Variants in ASNS observed in about 807,000 individuals in gnomAD.
ASNS encodes the protein asparagine synthetase (glutamine-hydrolyzing).
In ASNS, 37 loss-of-function variants were observed where a neutral mutation model predicts 62.6. The observed-to-expected ratio is 0.59, with a 90% CI of 0.45 to 0.78. The LOEUF (loss-of-function observed/expected upper bound fraction) is 0.78. ASNS is among the 30% of genes least tolerant of loss of function. ASNS has a pLI of 0.00. For missense variants in ASNS, 520 were observed against 682.4 expected, an observed-to-expected ratio of 0.76 and a Z score of 2.65; for synonymous variants, 207 against 237.9, an observed-to-expected ratio of 0.87 and a Z score of 1.19.
chr7:97,900,805 G>T, the ASNS span, among the ~76,000 whole-genome samples: 1 of 152,048 alleles, frequency 6.6e-6, no homozygotes, highest in Non-Finnish European at 1.5e-5. Context: ...CTTTATGAAT[G>T]ATGAGGGGAT....
chr7:97,871,514 A>T (rs1248356497), intron 1 of ASNS, among the ~76,000 whole-genome samples: 1 of 151,386 alleles, frequency 6.6e-6, no homozygotes, highest in Non-Finnish European at 1.5e-5. Flanking sequence ...AAAAAAAAAA[A>T]CTGCTGTTAA....
chr7:97,862,513 CT>C (rs1791768628), intron 4 of ASNS, among the ~76,000 whole-genome samples: 2 of 152,110 alleles, frequency 1.3e-5, no homozygotes, highest in African/African-American at 4.8e-5. Context: ...GGCAATGAAA[CT>C]GTTCTACATA....
At chr7:97,910,707 T>G in the ASNS span, among the ~76,000 whole-genome samples, 1 of 152,042 alleles carries the variant, frequency 6.6e-6, no homozygotes, top group African/African-American at 2.4e-5. Flanking sequence ...GTTCAAGTGA[T>G]TCTCCTGCCT....
At chr7:97,880,613 T>TG in the ASNS span, among the ~76,000 whole-genome samples, 1 of 152,088 alleles carries the variant, frequency 6.6e-6, no homozygotes, top group Admixed American at 6.5e-5. Context: ...AGGTCAGAAT[T>TG]GGAGATGGGG....
At chr7:97,895,665 C>T in the ASNS span, among the ~76,000 whole-genome samples, 3 of 152,124 alleles carry the variant, frequency 2.0e-5, no homozygotes, top group Non-Finnish European at 4.4e-5. Flanking sequence ...GTGGTAGGTG[C>T]CTGTAATCCC....
intron 1 of ASNS, among the ~76,000 whole-genome samples, chr7:97,870,516 G>A (rs1792203410): frequency 6.6e-6 from 1 of 152,062 alleles, no homozygotes; most frequent in African/African-American, 2.4e-5. Context: ...CGGAAAACCA[G>A]AACCAAATAA....
chr7:97,865,917 T>C (rs1305772703), intron 3 of ASNS, among the ~76,000 whole-genome samples: 1 of 152,170 alleles, frequency 6.6e-6, no homozygotes. Context: ...GAGGGTCTTT[T>C]TTCCCTAGGG....
chr7:97,899,307 C>T, the ASNS span, among the ~76,000 whole-genome samples: 4 of 151,924 alleles, frequency 2.6e-5, no homozygotes, highest in East Asian at 5.8e-4. Context: ...TTTTTTTGTA[C>T]ACACAGGGTC....
chr7:97,923,081 C>T, the ASNS span, among the ~76,000 whole-genome samples: 5 of 152,152 alleles, frequency 3.3e-5, no homozygotes, highest in East Asian at 1.9e-4. Flanking sequence ...TGAGCCACTG[C>T]GCCTGGACAG....
chr7:97,873,934 T>C (rs1218349229), upstream of ASNS, among the ~76,000 whole-genome samples: 1 of 152,138 alleles, frequency 6.6e-6, no homozygotes, highest in Non-Finnish European at 1.5e-5. Context: ...AAGGTGAAAT[T>C]AAAATTGCTA....
intron 9 of ASNS, 173 bp downstream of exon 9, chr7:97,855,180 T>C (rs1791375037): frequency 1.8e-6 from 1 of 545,200 alleles, no homozygotes; most frequent in East Asian, 2.9e-5. Context: ...TCTGACACAT[T>C]AAAATTTCTT....
At position 97,859,415 on chromosome 7, in the gene ASNS, A is replaced by ATTCAAAATAGGT. The variant is rs1791611803; in HGVS notation, c.488-18_488-17insACCTATTTTGAA. The ATTCAAAATAGGT allele has an allele frequency of 1.9e-6, 3 of 1,585,770 alleles. No homozygotes were observed. In the East Asian group the frequency reaches 6.7e-5, roughly 36 times the overall value. ...TAACAAGACCTAGAAATTCACAATG[A>ATTCAAAATAGGT]TACCTTTATTCAAATTAGGTAACCC... On this transcript the variant is annotated splice_polypyrimidine_tract_variant and intron_variant, in intron 4 of 12. Coordinates refer to ENST00000394308, the MANE Select transcript of ASNS (RefSeq NM_001673.5).
chr7:97,925,608 G>C, the ASNS span, among the ~76,000 whole-genome samples: 1 of 152,270 alleles, frequency 6.6e-6, no homozygotes, highest in Non-Finnish European at 1.5e-5. Flanking sequence ...GAGAAACCCA[G>C]GTTTCTCCTC....
chr7:97,860,379 A>G (rs1791656817), intron 4 of ASNS, among the ~76,000 whole-genome samples: 2 of 152,242 alleles, frequency 1.3e-5, no homozygotes, highest in South Asian at 4.1e-4. Context: ...TTCAGAGGGT[A>G]AGTTCCATAT....
At chr7:97,896,576 G>A in the ASNS span, among the ~76,000 whole-genome samples, 1,199 of 117,350 alleles carry the variant, frequency 0.01, 46 homozygotes, top group East Asian at 0.11. Context: ...CAGCCTCGGC[G>A]ACAGAGCAAG....
rs192515483 is a variant in ASNS, at chr7:97,853,429, T to C, written c.1239-43A>G. ...GAAAATCTAAATTAAAATGGGTATT[T>C]AGTGCCTGCCAGGTTAGGTTCTGAT... On this transcript the variant is annotated intron_variant, in intron 10 of 12. Transcript: ENST00000394308. 3,042 of 1,519,712 alleles carry C rather than the reference T, an allele frequency of 2.0e-3. 11 individuals carry two copies. The highest frequency in any genetic ancestry group is 4.0e-3 in the Middle Eastern group (17 of 4,234). The allele number at this position is 1,519,712 out of a possible 1,614,324, so 94.1% of individuals were successfully genotyped here.
At chr7:97,923,142 C>G in the ASNS span, among the ~76,000 whole-genome samples, 1 of 151,988 alleles carries the variant, frequency 6.6e-6, no homozygotes, top group Non-Finnish European at 1.5e-5. Flanking sequence ...TAGATTATTT[C>G]TATAAGTGGT....
the ASNS span, among the ~76,000 whole-genome samples, chr7:97,884,813 A>G: frequency 2.6e-5 from 4 of 152,308 alleles, no homozygotes; most frequent in East Asian, 5.8e-4. Context: ...GGCAACCACC[A>G]TCATGATCAA....
At chr7:97,866,288 T>C (rs1000415774) in intron 3 of ASNS, among the ~76,000 whole-genome samples, 3 of 152,172 alleles carry the variant, frequency 2.0e-5, no homozygotes, top group East Asian at 1.9e-4. Context: ...AACAGATACA[T>C]GATCCAAAAC....
Sources: gnomAD v4.1 joint callset for allele counts (sites outside exome capture counted in the v4.1 genomes callset) on GRCh38, gnomAD v4.1.1 for gene constraint, MANE v1.5 for transcripts, NCBI Gene and HGNC (gene_info 2026-07-23, HGNC 2026-07-21) for gene names.